The following CEP83 variants were observed in gnomAD, a reference collection of about 807,000 sequenced individuals.
The protein encoded by CEP83 is centrosomal protein of 83 kDa.
A neutral mutation model predicts 101.9 loss-of-function variants in CEP83; 70 were observed. The observed-to-expected ratio is 0.69, with a 90% CI of 0.57 to 0.84. The LOEUF is 0.84. Ranked by LOEUF, CEP83 falls within the 40% of genes least tolerant of loss-of-function variation. The pLI is 0.00. For synonymous variants in CEP83, 264 were observed against 267.9 expected (o/e 0.99, Z 0.14); for missense variants, 715 against 787.2 (o/e 0.91, Z 1.10).
chr12:94,410,842 G>T (rs2063833722), intron 4 of CEP83, among the ~76,000 whole-genome samples: 1 of 152,166 alleles, frequency 6.6e-6, no homozygotes, highest in Non-Finnish European at 1.5e-5. Flanking sequence ...CAGGCTTAGT[G>T]GTGTTCCCAG....
At chr12:94,328,612 T>C (rs1313011135) in intron 14 of CEP83, among the ~76,000 whole-genome samples, 4 of 152,236 alleles carry the variant, frequency 2.6e-5, no homozygotes, top group Admixed American at 2.6e-4. Context: ...ATTTATGTAA[T>C]CTGATAGCCA....
rs1039278170 is a variant in CEP83, at chr12:94,412,597, C to G, written c.-101-6G>C. ...CTCAGGAAGCCAAATTATACCTGCA[C>G]AGAGAAATAAACATAATTACATAAT... On this transcript the variant is annotated splice_polypyrimidine_tract_variant and splice_region_variant and intron_variant, in intron 2 of 16. Coordinates refer to ENST00000397809, the MANE Select transcript of CEP83 (RefSeq NM_016122.3). 2 of 820,438 alleles carry G rather than the reference C, an allele frequency of 2.4e-6. No homozygotes were observed. The highest frequency in any genetic ancestry group is 3.9e-6 in the Non-Finnish European group (2 of 512,612). 50.8% of individuals were successfully genotyped at this position (820,438 alleles called of 1,614,324 possible). A position where few individuals can be genotyped will look rare whatever the true frequency, so the allele number is the denominator to read the frequency against.
At chr12:94,295,892 C>T in the CEP83 span, among the ~76,000 whole-genome samples, 2 of 152,204 alleles carry the variant, frequency 1.3e-5, no homozygotes, top group African/African-American at 4.8e-5. Flanking sequence ...CAGATGACTT[C>T]ACCCTGCACT....
At chr12:94,313,257 C>A in intron 14 of CEP83, 1 of 258,738 alleles carries the variant, frequency 3.9e-6, no homozygotes, top group Non-Finnish European at 7.2e-6. Context: ...AAACTGTTAT[C>A]AATAATTGCT....
intron 1 of CEP83, among the ~76,000 whole-genome samples, chr12:94,444,215 G>A (rs1027415774): frequency 1.3e-5 from 2 of 151,734 alleles, no homozygotes; most frequent in Admixed American, 6.6e-5. Flanking sequence ...CCTGGCCAAC[G>A]TGGTGAAACC....
intron 1 of CEP83, among the ~76,000 whole-genome samples, chr12:94,453,674 T>G (rs1046547224): frequency 2.0e-5 from 3 of 152,190 alleles, no homozygotes; most frequent in Admixed American, 6.5e-5. Context: ...TGCTTTAAAT[T>G]GGAAGCATAC....
intron 1 of CEP83, among the ~76,000 whole-genome samples, chr12:94,441,914 C>CAAAAAAAAAAAAAAAA (rs370968833): frequency 1.6e-5 from 1 of 61,848 alleles, no homozygotes; most frequent in African/African-American, 5.9e-5. Flanking sequence ...GACTCCGTCT[C>CAAAAAAAAAAAAAAAA]AAAAAAAAAA....
rs116299239 is a variant in CEP83, at chr12:94,426,627, G to T, written c.-102+8648C>A. Among the ~76,000 whole-genome samples, 693 of 152,188 alleles carry T rather than the reference G, an allele frequency of 4.6e-3. 3 individuals are homozygous for T. Among genetic ancestry groups the T allele is most frequent in the Middle Eastern group, 0.017 (5 of 294 alleles). ...GGCTGAATGCTAGCCCTCAAAATAT[G>T]TCATTTCCTAATCTCTGGATGCTAT... On this transcript the variant is annotated intron_variant, in intron 2 of 16. Coordinates refer to ENST00000397809, the MANE Select transcript of CEP83 (RefSeq NM_016122.3).
At chr12:94,306,323 TATTAGTATACAA>T (rs1176186479), downstream of CEP83, 1 of 152,104 alleles carries the variant, frequency 6.6e-6, no homozygotes. Flanking sequence ...GCCTGAAAAA[TATTAGTATACAA>T]CTTGGTATCT....
At chr12:94,280,779 C>T in the CEP83 span, among the ~76,000 whole-genome samples, 17 of 152,318 alleles carry the variant, frequency 1.1e-4, no homozygotes, top group Non-Finnish European at 1.8e-4. Flanking sequence ...ATACCCCGCC[C>T]GACAGTCTTG....
intron 2 of CEP83, among the ~76,000 whole-genome samples, chr12:94,421,998 C>T (rs2064790545): frequency 6.6e-6 from 1 of 152,222 alleles, no homozygotes; most frequent in Admixed American, 6.5e-5. Flanking sequence ...GCTTAGCCCC[C>T]ACCTTTTGGC....
chr12:94,317,228 G>T (rs1593108375), intron 14 of CEP83, among the ~76,000 whole-genome samples: 1 of 152,170 alleles, frequency 6.6e-6, no homozygotes, highest in East Asian at 1.9e-4. Context: ...TTTTGAAAAT[G>T]ATCTGTTCAT....
chr12:94,302,471 A>G (rs763714311), downstream of CEP83, among the ~76,000 whole-genome samples: 2 of 152,184 alleles, frequency 1.3e-5, no homozygotes, highest in South Asian at 2.1e-4. Context: ...TTTCCCCAAT[A>G]TATTTCCTAC....
chr12:94,374,858 A>G (rs1293632205), intron 8 of CEP83, among the ~76,000 whole-genome samples: 2 of 152,208 alleles, frequency 1.3e-5, no homozygotes, highest in African/African-American at 2.4e-5. Flanking sequence ...TCTGTAATGT[A>G]GGTATTAGTC....
the CEP83 span, among the ~76,000 whole-genome samples, chr12:94,295,841 T>C: frequency 6.6e-6 from 1 of 152,290 alleles, no homozygotes; most frequent in African/African-American, 2.4e-5. Flanking sequence ...AATGTCTGCC[T>C]TCTCTCCTCA....
chr12:94,389,108 C>G (rs563050635), intron 6 of CEP83, among the ~76,000 whole-genome samples: 136 of 152,014 alleles, frequency 8.9e-4, no homozygotes, highest in Non-Finnish European at 1.8e-3. Context: ...GCCTGGGGAA[C>G]AGAGTAAGAC....
chr12:94,404,117 T>C (rs370115454), intron 4 of CEP83, among the ~76,000 whole-genome samples: 14 of 152,280 alleles, frequency 9.2e-5, no homozygotes, highest in African/African-American at 3.4e-4. Context: ...TGCCACAGTA[T>C]AGCTATGCTG....
chr12:94,274,155 T>TGA, the CEP83 span, among the ~76,000 whole-genome samples: 3 of 45,370 alleles, frequency 6.6e-5, no homozygotes, highest in East Asian at 2.1e-3. Context: ...ACCCTGTCTC[T>TGA]AAAAAAAAAA....
At chr12:94,429,437 TC>T (rs1228449727) in intron 2 of CEP83, among the ~76,000 whole-genome samples, 1 of 152,104 alleles carries the variant, frequency 6.6e-6, no homozygotes, top group Non-Finnish European at 1.5e-5. Flanking sequence ...CCACTCCCCA[TC>T]CCAGTCCTGC....
Sources: gnomAD v4.1 joint callset for allele counts (sites outside exome capture counted in the v4.1 genomes callset) on GRCh38, gnomAD v4.1.1 for gene constraint, MANE v1.5 for transcripts, NCBI Gene and HGNC (gene_info 2026-07-23, HGNC 2026-07-21) for gene names.